AMPH: variants seen among roughly 807,000 people sequenced by gnomAD.
AMPH encodes the protein amphiphysin (Stiff-Mann syndrome with breast cancer 128kD autoantigen).
Under a neutral mutation model 99.1 loss-of-function variants are expected in AMPH, and 49 were observed. That is an observed-to-expected ratio of 0.49 (90% CI 0.39 to 0.63). The LOEUF (loss-of-function observed/expected upper bound fraction) is 0.63. Among genes scored for constraint, AMPH ranks in the 20% least tolerant of loss-of-function variants. The pLI is 0.00. For synonymous variants in AMPH, 314 were observed against 317.3 expected (o/e 0.99, Z 0.11); for missense variants, 759 against 863.4 (o/e 0.88, Z 1.52).
intron 7 of AMPH, among the ~76,000 whole-genome samples, chr7:38,469,741 C>G (rs936643120): frequency 2.6e-5 from 4 of 152,170 alleles, no homozygotes; most frequent in African/African-American, 9.7e-5. Context: ...CTCACCAAAT[C>G]CTAACACTAA....
intron 17 of AMPH, among the ~76,000 whole-genome samples, chr7:38,408,360 C>A (rs1005004918): frequency 6.6e-6 from 1 of 152,104 alleles, no homozygotes; most frequent in African/African-American, 2.4e-5. Flanking sequence ...TATTCATGTA[C>A]ACATACTATC....
At chr7:38,422,273 G>T in intron 16 of AMPH, 148 bp downstream of exon 16, 1 of 671,982 alleles carries the variant, frequency 1.5e-6, no homozygotes, top group Non-Finnish European at 2.5e-6. Flanking sequence ...AGGTTTTACA[G>T]ACACATTCTC....
chr7:38,589,989 T>C (rs1162114783), intron 1 of AMPH, among the ~76,000 whole-genome samples: 1 of 152,178 alleles, frequency 6.6e-6, no homozygotes. Context: ...AGGGACACTA[T>C]CACACAGGGC....
Position 38,513,238 on chromosome 7 carries a change from T to C in AMPH, c.151-9534A>G, listed in dbSNP as rs560769558. Among the ~76,000 whole-genome samples the C allele has an allele frequency of 2.6e-5, 4 of 152,318 alleles. No individual in the cohort carries two copies. The South Asian group carries it at 8.3e-4, about 32-fold the overall frequency. On this transcript the variant is annotated intron_variant, in intron 2 of 20. Coordinates refer to ENST00000356264, the MANE Select transcript of AMPH (RefSeq NM_001635.4). ...AACTAAGAGCTCAGTGGCCACATTC[T>C]CTTGTTTTTTGCCATATAATGAATA...
intron 1 of AMPH, among the ~76,000 whole-genome samples, chr7:38,577,952 C>CTTAA (rs1157300481): frequency 6.6e-6 from 1 of 152,156 alleles, no homozygotes; most frequent in African/African-American, 2.4e-5. Context: ...ATACCAAGGG[C>CTTAA]TTAACATTGG....
intron 17 of AMPH, among the ~76,000 whole-genome samples, chr7:38,398,222 C>G (rs923439933): frequency 2.0e-5 from 3 of 146,638 alleles, no homozygotes; most frequent in African/African-American, 7.6e-5. Context: ...ATCAATATAT[C>G]AAGGAGGTAT....
chr7:38,481,208 A>C (rs1315132092), intron 5 of AMPH, among the ~76,000 whole-genome samples: 1 of 152,060 alleles, frequency 6.6e-6, no homozygotes, highest in African/African-American at 2.4e-5. Context: ...TGGGGGGAAA[A>C]CCCAAATCTC....
chr7:38,394,665 C>T (rs720667), intron 17 of AMPH, among the ~76,000 whole-genome samples: 60,039 of 151,948 alleles, frequency 0.4, 11,929 homozygotes, highest in Admixed American at 0.44. Context: ...ACGAAAACCA[C>T]CTTCCTTTTG....
chr7:38,620,002 G>A (rs938735710), intron 1 of AMPH, among the ~76,000 whole-genome samples: 1 of 152,082 alleles, frequency 6.6e-6, no homozygotes, highest in Non-Finnish European at 1.5e-5. Context: ...TCCTAGGAGT[G>A]CTGCCATTAA....
chr7:38,574,217 C>T (rs1320485205), intron 1 of AMPH, among the ~76,000 whole-genome samples: 1 of 152,310 alleles, frequency 6.6e-6, no homozygotes, highest in East Asian at 1.9e-4. Context: ...CTTGACATCA[C>T]ATATGTGCCA....
At chr7:38,486,640 G>T (rs1471559674) in intron 5 of AMPH, among the ~76,000 whole-genome samples, 2 of 152,012 alleles carry the variant, frequency 1.3e-5, no homozygotes. Context: ...GAAAACTACA[G>T]ACCAGTTTCG....
At chr7:38,564,403 G>A (rs1021622931) in intron 1 of AMPH, among the ~76,000 whole-genome samples, 3 of 152,184 alleles carry the variant, frequency 2.0e-5, no homozygotes, top group Non-Finnish European at 4.4e-5. Flanking sequence ...AAGTCCTCAA[G>A]TGGCAAGGTG....
chr7:38,403,683 G>A lies in AMPH; in HGVS notation c.1399-9469C>T, dbSNP rs74831516. Among the ~76,000 whole-genome samples, 1,054 of 152,340 alleles carry A rather than the reference G, an allele frequency of 6.9e-3. 31 individuals carry two copies. The East Asian group carries it at 0.093, about 13-fold the overall frequency. On this transcript the variant is annotated intron_variant, in intron 17 of 20. Coordinates refer to ENST00000356264, the MANE Select transcript of AMPH (RefSeq NM_001635.4). Reference sequence around the variant, plus strand: ...CCGCCCCGAGGGAAGGGGGAATACGGCCTGCCAAAGTGCCCCTTGGAACAA... The same window carrying A: ...CCGCCCCGAGGGAAGGGGGAATACGACCTGCCAAAGTGCCCCTTGGAACAA...
intron 9 of AMPH, among the ~76,000 whole-genome samples, chr7:38,464,457 T>C (rs1437030326): frequency 2.6e-5 from 4 of 152,140 alleles, no homozygotes; most frequent in Non-Finnish European, 5.9e-5. Flanking sequence ...AACCTATAAG[T>C]AGGGCTAATC....
chr7:38,578,914 A>G (rs1262973505), intron 1 of AMPH, among the ~76,000 whole-genome samples: 1 of 152,214 alleles, frequency 6.6e-6, no homozygotes, highest in African/African-American at 2.4e-5. Flanking sequence ...AAAAACAGCT[A>G]GATTCTTTTA....
At chr7:38,556,641 C>T (rs939014703) in intron 1 of AMPH, among the ~76,000 whole-genome samples, 1 of 152,224 alleles carries the variant, frequency 6.6e-6, no homozygotes, top group Non-Finnish European at 1.5e-5. Flanking sequence ...ACCCTCCACT[C>T]CTGCACTCTC....
intron 1 of AMPH, among the ~76,000 whole-genome samples, chr7:38,537,031 T>G (rs1790631238): frequency 6.6e-6 from 1 of 152,172 alleles, no homozygotes; most frequent in African/African-American, 2.4e-5. Flanking sequence ...TTCTCAATGG[T>G]TAAAGTAACA....
intron 16 of AMPH, chr7:38,420,923 T>C (rs1785559370): frequency 2.8e-5 from 13 of 456,214 alleles, no homozygotes; most frequent in Admixed American, 2.6e-4. Context: ...TCGCTCAGAA[T>C]AGTCAATGAG....
intron 11 of AMPH, among the ~76,000 whole-genome samples, chr7:38,458,911 T>C (rs1366763753): frequency 1.3e-5 from 2 of 152,080 alleles, no homozygotes; most frequent in African/African-American, 4.8e-5. Context: ...TCAAATTGGA[T>C]AAGAAGAAGC....
Sources: allele counts gnomAD v4.1 joint callset (sites outside exome capture counted in the v4.1 genomes callset), GRCh38; gene constraint gnomAD v4.1.1; transcripts MANE v1.5; gene names NCBI Gene and HGNC (gene_info 2026-07-23, HGNC 2026-07-21).